The following CAPN12 variants were observed in gnomAD, a reference collection of about 807,000 sequenced individuals.
CAPN12 encodes the protein calpain 12.
Under a neutral mutation model 95.0 loss-of-function variants are expected in CAPN12, and 107 were observed. The ratio of observed to expected loss-of-function variants is 1.13; its 90% CI spans 0.96 to 1.32. CAPN12 has a LOEUF of 1.32. Ranked by LOEUF, CAPN12 falls within the 40% of genes most tolerant of loss-of-function variation. CAPN12 has a pLI of 0.00. For synonymous variants in CAPN12, 505 were observed against 415.5 expected (o/e 1.22, Z -2.62); for missense variants, 1,136 against 997.8 (o/e 1.14, Z -1.87).
At chr19:38,734,508 G>A (rs377648609) in intron 15 of CAPN12, 119 bp from the exon 16 acceptor site, 39 of 856,652 alleles carry the variant, frequency 4.6e-5, no homozygotes, top group Admixed American at 8.9e-5. Flanking sequence ...TATAGAAGCC[G>A]AGGCACAGGG....
At position 38,736,270 on chromosome 19, in the gene CAPN12, G is replaced by C; in HGVS notation, c.1423C>G (p.Leu475Val). The change falls in exon 12 of 21, where the codon CTG (leucine) becomes GTG (valine). Residue 475 changes from leucine to valine, a missense_variant. By Grantham distance (32) the Leu-to-Val change is conservative. Coordinates refer to ENST00000328867, the MANE Select transcript of CAPN12 (RefSeq NM_144691.4). ...SPRSHALLPR[L>V]LRADRSPLSA... ...AGGGGCGAGCGGTCGGCGCGCAGCAGCCGGGGCAGGAGCGCATGGCTGCGC... is the reference window on the plus strand; with the variant it reads ...AGGGGCGAGCGGTCGGCGCGCAGCACCCGGGGCAGGAGCGCATGGCTGCGC... 2.7e-6 allele frequency: 4 copies of C among 1,459,422 alleles called. No homozygotes were observed. The highest frequency in any genetic ancestry group is 3.6e-6 in the Non-Finnish European group (4 of 1,114,900). The allele number at this position is 1,459,422 out of a possible 1,614,324, so 90.4% of individuals were successfully genotyped here. A position where few individuals can be genotyped will look rare whatever the true frequency, so the allele number is the denominator to read the frequency against.
In CAPN12 at chr19:38,731,228, G is replaced by T; in HGVS notation, c.1958-5C>A. ...GCTGGTTGTTCAGGTGGAAGCCTAG[G>T]GGGAGGCTGCTTCTGAGCCCAGTGG... On this transcript the variant is annotated splice_region_variant and splice_polypyrimidine_tract_variant and intron_variant, in intron 18 of 20. Coordinates refer to ENST00000328867, the MANE Select transcript of CAPN12 (RefSeq NM_144691.4). 3 of 1,611,498 alleles carry T rather than the reference G, an allele frequency of 1.9e-6. No individual in the cohort carries two copies. The highest frequency in any genetic ancestry group is 2.5e-6 in the Non-Finnish European group (3 of 1,179,286).
At chr19:38,737,804 A>G (rs2145221741) in intron 8 of CAPN12, among the ~76,000 whole-genome samples, 166 bp from the exon 9 acceptor site, 1 of 152,216 alleles carries the variant, frequency 6.6e-6, no homozygotes, top group Middle Eastern at 3.4e-3. Flanking sequence ...AGCTCTGCCA[A>G]ATTCCTCCAA....
chr19:38,735,991 TGG>T, intron 12 of CAPN12, 117 bp downstream of exon 12: 1 of 248,546 alleles, frequency 4.0e-6, no homozygotes, highest in Admixed American at 1.8e-4. Flanking sequence ...GCAGGGGTTC[TGG>T]GGGCGGGGCA....
At chr19:38,737,072 TCC>T in intron 10 of CAPN12, 82 bp downstream of exon 10, 1 of 126,156 alleles carries the variant, frequency 7.9e-6, no homozygotes, top group Non-Finnish European at 1.5e-5. Flanking sequence ...GCCCCGCCCC[TCC>T]ATGCCTCCCC....
At chr19:38,735,640 G>A in intron 12 of CAPN12, 96 bp from the exon 13 acceptor site, 4 of 1,160,992 alleles carry the variant, frequency 3.4e-6, no homozygotes, top group Non-Finnish European at 4.8e-6. Flanking sequence ...TGGGGTCTAG[G>A]TAGGGACCGT....
In CAPN12 at chr19:38,736,550, ACCT is replaced by A. The variant is rs1568782606; in HGVS notation, c.1373_1374+1del. 5 of 1,584,094 alleles carry A rather than the reference ACCT, an allele frequency of 3.2e-6. No individual in the cohort carries two copies. The highest frequency in any genetic ancestry group is 3.5e-5 in the Admixed American group (2 of 57,914). On this transcript the variant is annotated splice_donor_variant and coding_sequence_variant, in exon 11 of 21. Coordinates refer to ENST00000328867, the MANE Select transcript of CAPN12 (RefSeq NM_144691.4). LOFTEE classifies it high-confidence loss of function. ...GGCCGGTTGACCCCATCCCAGACTC[ACCT>A]CCTCTGGAATCTGAAAGAAGCAAGA...
chr19:38,736,344 G>C, intron 11 of CAPN12, 26 bp from the exon 12 acceptor site: 2 of 1,460,844 alleles, frequency 1.4e-6, no homozygotes, highest in Non-Finnish European at 9.1e-7. Context: ...CATGACCACG[G>C]ACCAGGCTCA....
At chr19:38,741,940 G>A (rs760361402) in intron 3 of CAPN12, 30 bp from the exon 4 acceptor site, 31 of 1,609,124 alleles carry the variant, frequency 1.9e-5, no homozygotes, top group Non-Finnish European at 2.4e-5. Flanking sequence ...GGCCGGACTC[G>A]GCTTCCAACC....
Position 38,736,582 on chromosome 19 carries a change from AGGGGCGTC to A in CAPN12, c.1363-27_1363-20del. On this transcript the variant is annotated intron_variant, in intron 10 of 20. Coordinates refer to ENST00000328867, the MANE Select transcript of CAPN12 (RefSeq NM_144691.4). ...CTGGAATCTGAAAGAAGCAAGAGCA[AGGGGCGTC>A]GGGGCAGGGGAGAGGTGGCCGCCGC... The A allele has an allele frequency of 6.2e-7, 1 of 1,604,250 alleles. No homozygotes were observed. The highest frequency in any genetic ancestry group is 8.5e-7 in the Non-Finnish European group (1 of 1,176,172).
intron 18 of CAPN12, chr19:38,733,175 C>A (rs1417095813): frequency 1.3e-5 from 2 of 151,586 alleles, no homozygotes; most frequent in Non-Finnish European, 2.9e-5. Context: ...ACTGCAGCCT[C>A]AGCCTCCCGG....
Position 38,730,724 on chromosome 19 carries a change from T to A in CAPN12, c.*128A>T, listed in dbSNP as rs182281414. On this transcript the variant is annotated 3_prime_UTR_variant, in exon 21 of 21. Coordinates refer to ENST00000328867, the MANE Select transcript of CAPN12 (RefSeq NM_144691.4). ...AGAGTGGTCACCCGGCCGTGAGCAG[T>A]GAGGGCCAGAGACTAGCCCCAGACA... The A allele has an allele frequency of 1.7e-6, 2 of 1,203,332 alleles. No homozygotes were observed. Among genetic ancestry groups the A allele is most frequent in the Non-Finnish European group, 2.4e-6 (2 of 847,486 alleles). The allele number at this position is 1,203,332 out of a possible 1,614,324, so 74.5% of individuals were successfully genotyped here.
At position 38,734,308 on chromosome 19, in the gene CAPN12, C is replaced by G; in HGVS notation, c.1815+11G>C. ...ACTCCCTCCCTCACCCAGGCACTGC[C>G]CCCCATGTACCCCGAAACACTGCAG... On this transcript the variant is annotated intron_variant, in intron 16 of 20. Transcript: ENST00000328867. 1 of 1,604,664 alleles carries G rather than the reference C, an allele frequency of 6.2e-7. No individual in the cohort carries two copies. Among genetic ancestry groups the G allele is most frequent in the Non-Finnish European group, 8.5e-7 (1 of 1,174,906 alleles).
chr19:38,736,355 C>T (rs367916878), intron 11 of CAPN12, 37 bp from the exon 12 acceptor site: 68 of 1,464,944 alleles, frequency 4.6e-5, no homozygotes, highest in African/African-American at 1.1e-4. Context: ...ACCAGGCTCA[C>T]CCCCGGCCCT....
chr19:38,735,511 C>G lies in CAPN12; in HGVS notation c.1617G>C (p.Gln539His). 1.2e-6 allele frequency: 2 copies of G among 1,611,264 alleles called. No individual in the cohort carries two copies. The highest frequency in any genetic ancestry group is 1.7e-6 in the Non-Finnish European group (2 of 1,179,560). Residue 539 changes from glutamine to histidine, a missense_variant, in exon 13 of 21, where the codon CAG becomes CAC. Physicochemically the swap from Gln to His is conservative, Grantham distance 24 (BLOSUM62 0). Coordinates refer to ENST00000328867, the MANE Select transcript of CAPN12 (RefSeq NM_144691.4). The stretch of plus-strand genomic sequence containing the variant: ...CAGGAACAGTCCCCACCTGGAGAGA[C>G]TGCAGGTCTGCGCTGATCACGTCGT... Reference protein sequence around the residue: ...EIDDVISADLQSLQGPYLPLE... With the variant: ...EIDDVISADLHSLQGPYLPLE...
In CAPN12 at chr19:38,730,350, T is replaced by TGGGTC. The variant is rs1969483257; in HGVS notation, c.*497_*501dup. 1 of 172,572 alleles carries TGGGTC rather than the reference T, an allele frequency of 5.8e-6. No individual in the cohort carries two copies. Among genetic ancestry groups the TGGGTC allele is most frequent in the Non-Finnish European group, 1.3e-5 (1 of 79,706 alleles). 10.7% of individuals were successfully genotyped at this position (172,572 alleles called of 1,614,324 possible). Reference sequence around the variant, plus strand: ...TGCTCCTCCGGGTCTGCGTCGGGCGTGGGTCTCTGGGGACCCTCCAGAGGT... The same window carrying TGGGTC: ...TGCTCCTCCGGGTCTGCGTCGGGCGTGGGTCGGGTCTCTGGGGACCCTCCAGAGGT... On this transcript the variant is annotated 3_prime_UTR_variant, in exon 21 of 21. Transcript: ENST00000328867.
Position 38,730,890 on chromosome 19 carries a change from A to C in CAPN12, c.2134-12T>G. On this transcript the variant is annotated splice_polypyrimidine_tract_variant and intron_variant, in intron 20 of 20. Coordinates refer to ENST00000328867, the MANE Select transcript of CAPN12 (RefSeq NM_144691.4). ...GCCACCTCCATCCACTAAGGAAGAG[A>C]AGGAAGACAGTGGCTTGAGGCAGGG... 6.4e-7 allele frequency: 1 copy of C among 1,551,518 alleles called. No individual in the cohort carries two copies. Among genetic ancestry groups the C allele is most frequent in the Non-Finnish European group, 8.7e-7 (1 of 1,147,376 alleles).
intron 18 of CAPN12, chr19:38,731,561 A>T: frequency 2.7e-6 from 1 of 365,740 alleles, no homozygotes; most frequent in Non-Finnish European, 5.2e-6. Context: ...ATTTCTGTGC[A>T]GCAAAAAATA....
Position 38,744,326 on chromosome 19 carries a change from C to T in CAPN12, c.-161G>A. On this transcript the variant is annotated 5_prime_UTR_variant, in exon 1 of 21. Coordinates refer to ENST00000328867, the MANE Select transcript of CAPN12 (RefSeq NM_144691.4). Reference sequence around the variant, plus strand: ...TTTGGGGTGCTGGGGAGCAGGGACGCCTCTTCAGTAGCTTTCTTCCCAGGG... The same window carrying T: ...TTTGGGGTGCTGGGGAGCAGGGACGTCTCTTCAGTAGCTTTCTTCCCAGGG... The T allele has an allele frequency of 1.4e-6, 1 of 690,468 alleles. No individual in the cohort carries two copies. The highest frequency in any genetic ancestry group is 1.8e-5 in the South Asian group (1 of 55,350). The allele number at this position is 690,468 out of a possible 1,614,324, so 42.8% of individuals were successfully genotyped here. A position where few individuals can be genotyped will look rare whatever the true frequency, so the allele number is the denominator to read the frequency against.
Sources: gnomAD v4.1 joint callset for allele counts (sites outside exome capture counted in the v4.1 genomes callset) on GRCh38, gnomAD v4.1.1 for gene constraint, MANE v1.5 for transcripts, NCBI Gene and HGNC (gene_info 2026-07-23, HGNC 2026-07-21) for gene names.